PCDHGA10: variants seen among roughly 807,000 people sequenced by gnomAD.
PCDHGA10 encodes the protein protocadherin gamma-A10.
In PCDHGA10, 42 loss-of-function variants were observed where a neutral mutation model predicts 59.5. That is an observed-to-expected ratio of 0.71 (90% CI 0.55 to 0.91). PCDHGA10 has a LOEUF of 0.91. Among genes scored for constraint, PCDHGA10 ranks in the 40% least tolerant of loss-of-function variants. The probability of loss-of-function intolerance (pLI) is 0.00; values close to 1 mark genes in which losing one functional copy is unlikely to be tolerated. For synonymous variants in PCDHGA10, 511 were observed against 517.2 expected, an observed-to-expected ratio of 0.99 and a Z score of 0.16; for missense variants, 1,111 against 1,198.2, an observed-to-expected ratio of 0.93 and a Z score of 1.07.
At chr5:141,438,248 C>A (rs1370527448) in intron 1 of PCDHGA10, among the ~76,000 whole-genome samples, 1 of 151,970 alleles carries the variant, frequency 6.6e-6, no homozygotes, top group Non-Finnish European at 1.5e-5. Flanking sequence ...AAAAAACTGT[C>A]ATTGAAGAGA....
chr5:141,461,303 G>T (rs1390421489), intron 1 of PCDHGA10, among the ~76,000 whole-genome samples: 2 of 152,074 alleles, frequency 1.3e-5, no homozygotes, highest in Non-Finnish European at 2.9e-5. Flanking sequence ...AACATCTATT[G>T]TTTTTTGACT....
In PCDHGA10 at chr5:141,414,556, T is replaced by G; in HGVS notation, c.1381T>G (p.Tyr461Asp). 1.2e-6 allele frequency: 2 copies of G among 1,613,990 alleles called. No individual in the cohort carries two copies. The highest frequency in any genetic ancestry group is 1.7e-6 in the Non-Finnish European group (2 of 1,179,884). The change falls in exon 1 of 4, where the codon TAC becomes GAC. Residue 461 changes from tyrosine (Y) to aspartate (D), a missense_variant. Coordinates refer to ENST00000398610, the MANE Select transcript of PCDHGA10 (RefSeq NM_018913.3). ...CCCACCTACCTTCTCTCAAGTCTCC[T>G]ACTTTACCTATATCCCAGAGAACAA... ...DNPPTFSQVS[Y>D]FTYIPENNAR... is the part of the protein sequence containing the mutation.
rs1554116833 is a variant in PCDHGA10, at chr5:141,423,756, G to GGT, written c.2436+8146_2436+8147insTG. 2.2e-4 allele frequency: 100 copies of GGT among 448,536 alleles called. 2 individuals carry two copies. The highest frequency in any genetic ancestry group is 2.1e-3 in the African/African-American group (74 of 35,668). The allele number at this position is 448,536 out of a possible 1,614,324, so 27.8% of individuals were successfully genotyped here. On this transcript the variant is annotated intron_variant, in intron 1 of 3. Coordinates refer to ENST00000398610, the MANE Select transcript of PCDHGA10 (RefSeq NM_018913.3). ...GCCTGTTATGAAAACTGTTTGGGGG[G>GGT]GGGGTGGGGCGGCATATATTTAGTT...
In PCDHGA10 at chr5:141,432,361, G is replaced by A; in HGVS notation, c.2436+16750G>A. 1 of 1,614,230 alleles carries A rather than the reference G, an allele frequency of 6.2e-7. No individual in the cohort carries two copies. Among genetic ancestry groups the A allele is most frequent in the Non-Finnish European group, 8.5e-7 (1 of 1,180,050 alleles). On this transcript the variant is annotated intron_variant, in intron 1 of 3. Coordinates refer to ENST00000398610, the MANE Select transcript of PCDHGA10 (RefSeq NM_018913.3). The surrounding 1 kb of genome is among the most constrained non-coding windows in gnomAD (Gnocchi z 6.0). Reference sequence around the variant, plus strand: ...GAGACTTGCAAGTGAAAGTGATGGCGCGGGACAACGGGCACCCGCCCCTCA... The same window carrying A: ...GAGACTTGCAAGTGAAAGTGATGGCACGGGACAACGGGCACCCGCCCCTCA...
At chr5:141,426,448 C>T (rs1289310586) in intron 1 of PCDHGA10, 4 of 307,946 alleles carry the variant, frequency 1.3e-5, no homozygotes, top group Middle Eastern at 1.2e-3. Context: ...GGAGGACATG[C>T]GGCTGCATGT....
chr5:141,507,736 G>A (rs1562231670), intron 3 of PCDHGA10, among the ~76,000 whole-genome samples: 1 of 152,240 alleles, frequency 6.6e-6, no homozygotes. Flanking sequence ...CATGCAGCTC[G>A]TTCCCCTGTC....
rs139153105 is a variant in PCDHGA10 at position 141,432,400 on chromosome 5, G to T, written c.2436+16789G>T. 3.1e-6 allele frequency: 5 copies of T among 1,614,122 alleles called. No homozygotes were observed. In the African/African-American group the frequency reaches 4.0e-5, roughly 13 times the overall value. ...ACCCGCCCCTCAGCAGCAACGTGTC[G>T]TTGAGCCTGTTCGTGCTGGACCAGA... On this transcript the variant is annotated intron_variant, in intron 1 of 3. Transcript: ENST00000398610. The surrounding 1 kb of genome is among the most constrained non-coding windows in gnomAD (Gnocchi z 6.0).
chr5:141,504,135 C>T (rs758903340), intron 2 of PCDHGA10, among the ~76,000 whole-genome samples: 1 of 152,188 alleles, frequency 6.6e-6, no homozygotes, highest in Non-Finnish European at 1.5e-5. Context: ...CCCGCCAACA[C>T]TCCCCTGCAA....
At chr5:141,430,301 C>G (rs985986465) in intron 1 of PCDHGA10, among the ~76,000 whole-genome samples, 2 of 150,982 alleles carry the variant, frequency 1.3e-5, no homozygotes, top group Non-Finnish European at 2.9e-5. Context: ...AGCAGATGCA[C>G]TAACATTATA....
At position 141,490,776 on chromosome 5, in the gene PCDHGA10, G is replaced by A. The variant is rs1234115299; in HGVS notation, c.2437-4031G>A. 4.3e-6 allele frequency: 7 copies of A among 1,614,162 alleles called. No individual in the cohort carries two copies. Among genetic ancestry groups the A allele is most frequent in the African/African-American group, 1.3e-5 (1 of 75,066 alleles). On this transcript the variant is annotated intron_variant, in intron 1 of 3. Transcript: ENST00000398610. This position sits in a 1 kb window ranked among gnomAD's most constrained non-coding sequence, Gnocchi z 5.4. ...CCTCCTTTGTGTATGTCAACCCAGA[G>A]GATGGACGGATCTTTGCCCAGCGTA...
Position 141,489,493 on chromosome 5 carries a change from G to A in PCDHGA10, c.2437-5314G>A, listed in dbSNP as rs1485293604. ...CCTGAGCTTGATGAGTGGTGCCCTG[G>A]CAGTGAATCAAAAGATTGACCGAGA... On this transcript the variant is annotated intron_variant, in intron 1 of 3. Coordinates refer to ENST00000398610, the MANE Select transcript of PCDHGA10 (RefSeq NM_018913.3). The surrounding 1 kb of genome is among the most constrained non-coding windows in gnomAD (Gnocchi z 4.5). The A allele has an allele frequency of 1.2e-6, 2 of 1,613,960 alleles. No homozygotes were observed. Among genetic ancestry groups the A allele is most frequent in the Non-Finnish European group, 1.7e-6 (2 of 1,180,038 alleles).
In PCDHGA10 at chr5:141,493,550, T is replaced by C. The variant is rs978188511; in HGVS notation, c.2437-1257T>C. On this transcript the variant is annotated intron_variant, in intron 1 of 3. Coordinates refer to ENST00000398610, the MANE Select transcript of PCDHGA10 (RefSeq NM_018913.3). This position sits in a 1 kb window ranked among gnomAD's most constrained non-coding sequence, Gnocchi z 4.3. Reference sequence around the variant, plus strand: ...ACTTGGCCAGTTATCCTTTTGGAGATTGAGTTCCCCCAGCTCCGTTTCCTC... The same window carrying C: ...ACTTGGCCAGTTATCCTTTTGGAGACTGAGTTCCCCCAGCTCCGTTTCCTC... Among the ~76,000 whole-genome samples the C allele has an allele frequency of 1.3e-5, 2 of 152,172 alleles. No homozygotes were observed. The highest frequency in any genetic ancestry group is 2.4e-5 in the African/African-American group (1 of 41,430).
At chr5:141,453,058 G>C (rs2098754889) in intron 1 of PCDHGA10, among the ~76,000 whole-genome samples, 2 of 152,076 alleles carry the variant, frequency 1.3e-5, no homozygotes, top group Admixed American at 1.3e-4. Flanking sequence ...TGCAGTTTTA[G>C]AGTTTTGCCA....
chr5:141,423,759 G>GGC, intron 1 of PCDHGA10: 9 of 321,042 alleles, frequency 2.8e-5, no homozygotes, highest in Non-Finnish European at 3.6e-5. Context: ...TTGGGGGGGG[G>GGC]GTGGGGCGGC....
chr5:141,415,113 C>G lies in PCDHGA10; in HGVS notation c.1938C>G (p.Leu646=). The G allele has an allele frequency of 1.2e-6, 2 of 1,613,642 alleles. No individual in the cohort carries two copies. Among genetic ancestry groups the G allele is most frequent in the Non-Finnish European group, 1.7e-6 (2 of 1,179,986 alleles). The change falls in exon 1 of 4, where the codon CTC becomes CTG. Residue 646 remains leucine, a synonymous_variant. Transcript: ENST00000398610. ...ACAGAGACGCGCTCAAGCAAAGCCTCGTAGTGGCCGTCCAGGACCACGGCC... is the reference window on the plus strand; with the variant it reads ...ACAGAGACGCGCTCAAGCAAAGCCTGGTAGTGGCCGTCCAGGACCACGGCC... ...LLDRDALKQS[L]VVAVQDHGQP... is the part of the protein sequence containing the mutation.
At position 141,485,656 on chromosome 5, in the gene PCDHGA10, T is replaced by C. The variant is rs147216126; in HGVS notation, c.2437-9151T>C. On this transcript the variant is annotated intron_variant, in intron 1 of 3. Coordinates refer to ENST00000398610, the MANE Select transcript of PCDHGA10 (RefSeq NM_018913.3). This position sits in a 1 kb window ranked among gnomAD's most constrained non-coding sequence, Gnocchi z 5.7. ...CGTTGGAAAAGGCTCAGGATGCAGA[T>C]GTGGGGAGCAATTCGATTAGCAGCT... 23 of 1,612,648 alleles carry C rather than the reference T, an allele frequency of 1.4e-5. No homozygotes were observed. The African/African-American group carries it at 2.8e-4, about 20-fold the overall frequency.
At chr5:141,421,034 C>G (rs2096540283) in intron 1 of PCDHGA10, 2 of 538,266 alleles carry the variant, frequency 3.7e-6, no homozygotes, top group Non-Finnish European at 6.4e-6. Context: ...CATTGAGTCC[C>G]TCCCTCCCCC....
chr5:141,475,116 C>G (rs1383017919), intron 1 of PCDHGA10, among the ~76,000 whole-genome samples: 2 of 152,128 alleles, frequency 1.3e-5, no homozygotes, highest in African/African-American at 4.8e-5. Context: ...GTAAATAGGC[C>G]TGGCTTTTTT....
intron 1 of PCDHGA10, chr5:141,440,761 C>T (rs2098198732): frequency 6.6e-6 from 1 of 152,172 alleles, no homozygotes; most frequent in African/African-American, 2.4e-5. Context: ...GCAGAGCTCC[C>T]ATCCCTTAGT....
Sources: gnomAD v4.1 joint callset for allele counts (sites outside exome capture counted in the v4.1 genomes callset) on GRCh38, gnomAD v4.1.1 for gene constraint, Gnocchi (gnomAD v3.1) non-coding constraint, MANE v1.5 for transcripts, NCBI Gene and HGNC (gene_info 2026-07-23, HGNC 2026-07-21) for gene names.